Variants in KDM6A observed in about 807,000 individuals in gnomAD.
The protein encoded by KDM6A is lysine-specific demethylase 6A.
A neutral mutation model predicts 117.6 loss-of-function variants in KDM6A; 11 were observed. The ratio of observed to expected loss-of-function variants is 0.09; its 90% CI spans 0.06 to 0.15. The LOEUF (loss-of-function observed/expected upper bound fraction) is 0.15. Ranked by LOEUF, KDM6A falls within the 10% of genes least tolerant of loss-of-function variation. The probability of loss-of-function intolerance (pLI) is 1.00; values close to 1 mark genes in which losing one functional copy is unlikely to be tolerated. For missense variants in KDM6A, 799 were observed against 1,077.3 expected (o/e 0.74, Z 3.62); for synonymous variants, 384 against 396.1 (o/e 0.97, Z 0.36).
At chrX:45,027,104 T>A (rs1003130858) in intron 6 of KDM6A, among the ~76,000 whole-genome samples, 12 of 108,318 alleles carry the variant, frequency 1.1e-4, no homozygotes, top group African/African-American at 4.1e-4. Context: ...AGGTCAGAAG[T>A]TTGAGAGCAT....
In KDM6A at chrX:44,943,202, G is replaced by A. The variant is rs964400405; in HGVS notation, c.226-18082G>A. 3.6e-5 allele frequency among the ~76,000 whole-genome samples: 4 copies of A among 111,297 alleles called. No homozygotes were observed. In the Admixed American group the frequency reaches 3.8e-4, roughly 11 times the overall value. ...TTTGGTTCCATACCACCGTAAGAAA[G>A]CAAATATTGCAGTACAGTGAGTCAC... On this transcript the variant is annotated intron_variant, in intron 2 of 29. Transcript: ENST00000611820.
intron 2 of KDM6A, among the ~76,000 whole-genome samples, chrX:44,935,225 TAAAG>T (rs1408440786): frequency 8.9e-6 from 1 of 111,882 alleles, no homozygotes. Flanking sequence ...AATGTGTTCT[TAAAG>T]AAATCCGAAA....
chrX:45,077,906 A>G (rs2045209548), intron 19 of KDM6A, among the ~76,000 whole-genome samples: 1 of 111,632 alleles, frequency 9.0e-6, no homozygotes, highest in Non-Finnish European at 1.9e-5. Flanking sequence ...AACTGAAACT[A>G]CACACTGAAC....
chrX:44,941,753 A>G (rs994693839), intron 2 of KDM6A, among the ~76,000 whole-genome samples: 1 of 110,395 alleles, frequency 9.1e-6, no homozygotes, highest in Non-Finnish European at 1.9e-5. Flanking sequence ...TGCTGGGATT[A>G]CAGGCGTGAG....
At chrX:44,894,255 T>G in intron 2 of KDM6A, among the ~76,000 whole-genome samples, 1 of 111,954 alleles carries the variant, frequency 8.9e-6, no homozygotes, top group African/African-American at 3.2e-5. Context: ...TCCCTTCTAT[T>G]TCTGGATGAG....
intron 8 of KDM6A, among the ~76,000 whole-genome samples, chrX:45,040,852 C>T (rs2043120374): frequency 2.4e-5 from 2 of 82,087 alleles, no homozygotes; most frequent in Admixed American, 1.2e-4. Flanking sequence ...CCGGACTGGG[C>T]GGCTGGCCGG....
intron 17 of KDM6A, among the ~76,000 whole-genome samples, chrX:45,066,879 C>A (rs2044558038): frequency 1.8e-5 from 2 of 112,145 alleles, no homozygotes; most frequent in African/African-American, 3.2e-5. Flanking sequence ...TTGCTTCACA[C>A]GCCCTTCAAA....
intron 4 of KDM6A, 112 bp from the exon 5 acceptor site, chrX:45,010,849 A>G: frequency 3.7e-6 from 2 of 538,905 alleles, no homozygotes; most frequent in Non-Finnish European, 6.2e-6. Context: ...ATTGTAATGC[A>G]TGATAGAATT....
At chrX:44,885,036 ATTT>A (rs753134380) in intron 2 of KDM6A, among the ~76,000 whole-genome samples, 2 of 93,607 alleles carry the variant, frequency 2.1e-5, no homozygotes. Context: ...CATCATTTCT[ATTT>A]TTTTTTTTTT....
At chrX:44,993,262 G>A (rs905772899) in intron 4 of KDM6A, among the ~76,000 whole-genome samples, 3 of 111,048 alleles carry the variant, frequency 2.7e-5, no homozygotes, top group African/African-American at 9.9e-5. Context: ...ATTCAGAATT[G>A]GACACTAAGG....
Position 45,051,884 on chromosome X carries a change from C to T in KDM6A, c.748+82C>T, listed in dbSNP as rs752865460. ...TGTCGAGTGTGGCAAATATGTGGCT[C>T]ATATATTCTATTCCTTTGCTCAGAG... On this transcript the variant is annotated intron_variant, in intron 9 of 29. Transcript: ENST00000611820. 13 of 546,271 alleles carry T rather than the reference C, an allele frequency of 2.4e-5. No individual in the cohort carries two copies. In the East Asian group the frequency reaches 4.6e-4, roughly 19 times the overall value. The allele number at this position is 546,271 out of a possible 1,213,427, so 45.0% of individuals were successfully genotyped here.
intron 17 of KDM6A, 141 bp from the exon 18 acceptor site, chrX:45,069,438 T>C (rs977017388): frequency 3.5e-6 from 2 of 571,285 alleles, no homozygotes; most frequent in Non-Finnish European, 5.4e-6. Context: ...GCAGGTACTT[T>C]TTGATAACTT....
chrX:44,984,493 GTGTCCTGAA>G (rs1025721723), intron 4 of KDM6A, among the ~76,000 whole-genome samples: 3 of 111,599 alleles, frequency 2.7e-5, no homozygotes, highest in African/African-American at 9.8e-5. Context: ...GCCCAGGCCT[GTGTCCTGAA>G]TGGTATTGCC....
At chrX:44,920,289 TTA>T (rs1205928455) in intron 2 of KDM6A, among the ~76,000 whole-genome samples, 1 of 111,488 alleles carries the variant, frequency 9.0e-6, no homozygotes, top group Non-Finnish European at 1.9e-5. Context: ...TTAGGATTTA[TTA>T]TAGCCTCTTG....
chrX:44,977,030 T>C (rs1367113956), intron 4 of KDM6A, among the ~76,000 whole-genome samples: 1 of 111,560 alleles, frequency 9.0e-6, no homozygotes, highest in Admixed American at 9.6e-5. Flanking sequence ...TTTTTTAGTG[T>C]GCCTAGTGGG....
chrX:44,918,192 A>G (rs1356143331), intron 2 of KDM6A, among the ~76,000 whole-genome samples: 1 of 111,794 alleles, frequency 8.9e-6, no homozygotes, highest in African/African-American at 3.3e-5. Context: ...TTAAATATAA[A>G]CTGAACTAAA....
chrX:45,072,575 C>A (rs948754673), intron 18 of KDM6A, among the ~76,000 whole-genome samples: 1 of 110,275 alleles, frequency 9.1e-6, no homozygotes, highest in Non-Finnish European at 1.9e-5. Flanking sequence ...CTACCTGCTC[C>A]TCACTCATCT....
At chrX:45,080,098 C>T (rs2148128028) in intron 21 of KDM6A, among the ~76,000 whole-genome samples, 1 of 111,172 alleles carries the variant, frequency 9.0e-6, no homozygotes, top group South Asian at 3.7e-4. Context: ...ATGTCATATA[C>T]CCCCTGAAGG....
chrX:45,103,125 T>A (rs2046392493), intron 27 of KDM6A, among the ~76,000 whole-genome samples: 1 of 111,487 alleles, frequency 9.0e-6, no homozygotes, highest in South Asian at 3.8e-4. Context: ...TTTGGTAACT[T>A]ACTTTGGAAA....
Sources: allele counts gnomAD v4.1 joint callset (sites outside exome capture counted in the v4.1 genomes callset), GRCh38; gene constraint gnomAD v4.1.1; transcripts MANE v1.5; gene names NCBI Gene and HGNC (gene_info 2026-07-23, HGNC 2026-07-21).